Variants in MYDGF observed in about 807,000 individuals in gnomAD.
The protein encoded by MYDGF is myeloid-derived growth factor.
Under a neutral mutation model 24.2 loss-of-function variants are expected in MYDGF, and 29 were observed. The ratio of observed to expected loss-of-function variants is 1.20; its 90% confidence interval spans 0.89 to 1.63. The LOEUF is 1.63. Among genes scored for constraint, MYDGF ranks in the 40% most tolerant of loss-of-function variants. The pLI, the probability that MYDGF is intolerant of heterozygous loss-of-function variation, is 0.00. For synonymous variants in MYDGF, 105 were observed against 102.5 expected, an observed-to-expected ratio of 1.02 and a Z score of -0.15; for missense variants, 245 against 234.8, an observed-to-expected ratio of 1.04 and a Z score of -0.29.
chr19:4,659,612 T>C (rs947789172), intron 5 of MYDGF: 3 of 477,636 alleles, frequency 6.3e-6, no homozygotes, highest in African/African-American at 1.9e-5. Flanking sequence ...TCCTCCCACC[T>C]TAGCCTCCTG....
rs1392363351 is a variant in MYDGF at position 4,664,785 on chromosome 19, C to T, written c.287+91G>A. 2.1e-5 allele frequency: 29 copies of T among 1,409,484 alleles called. No homozygotes were observed. In the East Asian group the frequency reaches 6.4e-4, roughly 31 times the overall value. The allele number at this position is 1,409,484 out of a possible 1,614,324, so 87.3% of individuals were successfully genotyped here. ...TGGTCTGTCTTCCCCTCCAGGGGTGCAGCCCTCGTTCCCTGCCTTCCAAAG... is the reference window on the plus strand; with the variant it reads ...TGGTCTGTCTTCCCCTCCAGGGGTGTAGCCCTCGTTCCCTGCCTTCCAAAG... On this transcript the variant is annotated intron_variant, in intron 3 of 5. Coordinates refer to ENST00000262947, the MANE Select transcript of MYDGF (RefSeq NM_019107.4).
intron 1 of MYDGF, among the ~76,000 whole-genome samples, chr19:4,668,936 C>G (rs565926071): frequency 1.3e-5 from 2 of 151,718 alleles, no homozygotes; most frequent in Non-Finnish European, 2.9e-5. Context: ...TTCTGCCTCC[C>G]GGGTTCAAAC....
chr19:4,670,053 A>C, intron 1 of MYDGF, 108 bp downstream of exon 1: 8 of 1,225,884 alleles, frequency 6.5e-6, no homozygotes, highest in Non-Finnish European at 8.5e-6. Flanking sequence ...CTTCTTCAGT[A>C]CCCACCTCCG....
chr19:4,666,367 G>A (rs1345232032), intron 2 of MYDGF, among the ~76,000 whole-genome samples: 2 of 150,882 alleles, frequency 1.3e-5, no homozygotes, highest in African/African-American at 2.4e-5. Context: ...CCTCTGCCTC[G>A]TGGGTTCAAG....
At position 4,668,368 on chromosome 19, in the gene MYDGF, C is replaced by T. The variant is rs1342622773; in HGVS notation, c.225+227G>A. ...CATGGGGATGGCAGACTCCCATCTC[C>T]CCTCCCTCCTTCTGTCCAGACATTT... On this transcript the variant is annotated intron_variant, in intron 2 of 5. Coordinates refer to ENST00000262947, the MANE Select transcript of MYDGF (RefSeq NM_019107.4). 1.5e-4 allele frequency among the ~76,000 whole-genome samples: 23 copies of T among 152,190 alleles called. 1 individual carries two copies. The highest frequency in any genetic ancestry group is 1.5e-3 in the Admixed American group (23 of 15,264).
rs57093750 is a variant in MYDGF, at chr19:4,667,121, C to CTTTTT, written c.225+1469_225+1473dup. On this transcript the variant is annotated intron_variant, in intron 2 of 5. Coordinates refer to ENST00000262947, the MANE Select transcript of MYDGF (RefSeq NM_019107.4). ...ATGTGTCCATGTGCTTCAAATCACCCTTTTTTTTTTTTTTTTTTTTTTTTT... is the reference window on the plus strand; with the variant it reads ...ATGTGTCCATGTGCTTCAAATCACCCTTTTTTTTTTTTTTTTTTTTTTTTTTTTTT... Among the ~76,000 whole-genome samples the CTTTTT allele has an allele frequency of 4.1e-4, 42 of 102,174 alleles. 1 individual carries two copies. Among genetic ancestry groups the CTTTTT allele is most frequent in the African/African-American group, 4.9e-4 (11 of 22,316 alleles). The allele number at this position is 102,174 out of a possible 152,430, so 67.0% of individuals were successfully genotyped here.
At chr19:4,658,408 G>A (rs947489133) in intron 5 of MYDGF, among the ~76,000 whole-genome samples, 1 of 152,196 alleles carries the variant, frequency 6.6e-6, no homozygotes, top group African/African-American at 2.4e-5. Flanking sequence ...AGCCCAGGAA[G>A]GAGATGATCC....
Position 4,658,057 on chromosome 19 carries a change from G to T in MYDGF, c.470C>A (p.Ala157Asp). The T allele has an allele frequency of 6.2e-7, 1 of 1,611,766 alleles. No homozygotes were observed. The highest frequency in any genetic ancestry group is 8.5e-7 in the Non-Finnish European group (1 of 1,179,400). ...AVAHRPGAFK[A>D]ELSKLVIVAK... Reference sequence around the variant, plus strand: ...CACAATCACCAGCTTGGACAGCTCAGCTTTGAATGCCCCGGGCCTGTGAGC... The same window carrying T: ...CACAATCACCAGCTTGGACAGCTCATCTTTGAATGCCCCGGGCCTGTGAGC... Residue 157 changes from alanine (A) to aspartate (D), a missense_variant, in exon 6 of 6, where the codon GCT (alanine) becomes GAT (aspartate). Coordinates refer to ENST00000262947, the MANE Select transcript of MYDGF (RefSeq NM_019107.4).
chr19:4,657,815 C>T lies in MYDGF; in HGVS notation c.*190G>A. 1.9e-6 allele frequency: 1 copy of T among 526,840 alleles called. No individual in the cohort carries two copies. The allele number at this position is 526,840 out of a possible 1,614,324, so 32.6% of individuals were successfully genotyped here. On this transcript the variant is annotated 3_prime_UTR_variant, in exon 6 of 6. Transcript: ENST00000262947. ...GAAGCTGTTGGGAGCCAGGAGGGCC[C>T]TGGACCCTCTGTTCTCTGCCCCAGG...
At chr19:4,665,683 C>T (rs957161196) in intron 2 of MYDGF, among the ~76,000 whole-genome samples, 4 of 151,704 alleles carry the variant, frequency 2.6e-5, no homozygotes, top group East Asian at 3.9e-4. Flanking sequence ...TAGCCGAGCG[C>T]AGTGGTGGGC....
intron 4 of MYDGF, 61 bp from the exon 5 acceptor site, chr19:4,660,064 G>T: frequency 6.8e-7 from 1 of 1,462,808 alleles, no homozygotes. Flanking sequence ...TTAGGAAAAC[G>T]ATTGAGTTTG....
intron 3 of MYDGF, among the ~76,000 whole-genome samples, chr19:4,663,072 C>A (rs1458084269): frequency 1.3e-5 from 2 of 150,546 alleles, no homozygotes; most frequent in Admixed American, 6.6e-5. Flanking sequence ...CTCCCCACCC[C>A]ACTCCATCCT....
chr19:4,668,497 G>T, intron 2 of MYDGF, 98 bp downstream of exon 2: 1 of 1,001,746 alleles, frequency 1.0e-6, no homozygotes, highest in Non-Finnish European at 1.6e-6. Flanking sequence ...AGTGTAAGGT[G>T]ATATAGGTGA....
Position 4,670,207 on chromosome 19 carries a change from C to G in MYDGF, c.128G>C (p.Arg43Pro). 1.9e-6 allele frequency: 3 copies of G among 1,561,228 alleles called. No individual in the cohort carries two copies. The highest frequency in any genetic ancestry group is 2.6e-6 in the Non-Finnish European group (3 of 1,156,986). ...GAAGGAATGCACGACGCCGCCGGGCCGCACGTCAAACGCCACCGTCGTGGG... is the reference window on the plus strand; with the variant it reads ...GAAGGAATGCACGACGCCGCCGGGCGGCACGTCAAACGCCACCGTCGTGGG... ...SEPTTVAFDV[R>P]PGGVVHSFSH... The change falls in exon 1 of 6, where the codon CGG (arginine) becomes CCG (proline). Residue 43 changes from arginine (R) to proline (P), a missense_variant. Arg to Pro is a moderately radical substitution (Grantham distance 103). Coordinates refer to ENST00000262947, the MANE Select transcript of MYDGF (RefSeq NM_019107.4).
chr19:4,659,779 A>C, intron 5 of MYDGF, 152 bp downstream of exon 5: 1 of 694,712 alleles, frequency 1.4e-6, no homozygotes, highest in Non-Finnish European at 2.6e-6. Context: ...AGCTGAAGAT[A>C]TTGACGAGGT....
At chr19:4,659,630 G>A (rs2088453657) in intron 5 of MYDGF, 1 of 496,054 alleles carries the variant, frequency 2.0e-6, no homozygotes, top group Admixed American at 3.4e-5. Context: ...CTGAGCAGCT[G>A]CGGTAACAGG....
chr19:4,659,870 C>G, intron 5 of MYDGF, 61 bp downstream of exon 5: 1 of 1,527,962 alleles, frequency 6.5e-7, no homozygotes, highest in Non-Finnish European at 9.1e-7. Context: ...CCAAACTGCC[C>G]CGATTGCCCA....
intron 4 of MYDGF, 23 bp from the exon 5 acceptor site, chr19:4,660,026 T>G (rs2145182575): frequency 6.2e-7 from 1 of 1,601,020 alleles, no homozygotes; most frequent in East Asian, 2.2e-5. Context: ...GAGTGGAAAC[T>G]TTACCAGGGC....
At chr19:4,662,275 C>T (rs888623466) in intron 3 of MYDGF, among the ~76,000 whole-genome samples, 3 of 152,220 alleles carry the variant, frequency 2.0e-5, no homozygotes, top group East Asian at 1.9e-4. Context: ...TTAACCTGAC[C>T]GCAGTGGTGG....
Sources: gnomAD v4.1 joint callset for allele counts (sites outside exome capture counted in the v4.1 genomes callset) on GRCh38, gnomAD v4.1.1 for gene constraint, MANE v1.5 for transcripts, NCBI Gene and HGNC (gene_info 2026-07-23, HGNC 2026-07-21) for gene names.